ANKRD13C: variants seen among roughly 807,000 people sequenced by gnomAD.
The protein encoded by ANKRD13C is ankyrin repeat domain 13C.
In ANKRD13C, 16 loss-of-function variants were observed where a neutral mutation model predicts 65.5. The ratio of observed to expected loss-of-function variants is 0.24; its 90% CI spans 0.17 to 0.37. The LOEUF (loss-of-function observed/expected upper bound fraction) is 0.37. Ranked by LOEUF, ANKRD13C falls within the 10% of genes least tolerant of loss-of-function variation. The pLI is 1.00. For missense variants in ANKRD13C, 503 were observed against 655.9 expected, an observed-to-expected ratio of 0.77 and a Z score of 2.55; for synonymous variants, 235 against 238.7, an observed-to-expected ratio of 0.98 and a Z score of 0.14.
At chr1:70,276,387 C>T (rs1679135438) in intron 10 of ANKRD13C, among the ~76,000 whole-genome samples, 2 of 152,124 alleles carry the variant, frequency 1.3e-5, no homozygotes, top group Non-Finnish European at 2.9e-5. Context: ...TGGGCTTGCA[C>T]ACTATGCTAA....
chr1:70,351,455 A>G (rs141820970), intron 1 of ANKRD13C, among the ~76,000 whole-genome samples: 2,152 of 152,260 alleles, frequency 0.014, 24 homozygotes, highest in Non-Finnish European at 0.021. Flanking sequence ...GCTGGAGTGC[A>G]ACGGTGCGAT....
intron 1 of ANKRD13C, among the ~76,000 whole-genome samples, chr1:70,339,792 T>C (rs961981509): frequency 8.7e-5 from 13 of 149,214 alleles, no homozygotes; most frequent in Non-Finnish European, 1.2e-4. Flanking sequence ...TTGTGCCTTC[T>C]TTTTCTCTTG....
chr1:70,347,076 A>C (rs547172278), intron 1 of ANKRD13C, among the ~76,000 whole-genome samples: 16 of 124,570 alleles, frequency 1.3e-4, no homozygotes, highest in Non-Finnish European at 1.7e-4. Context: ...TTGGTGACAG[A>C]GCGAGGCTCC....
In ANKRD13C at chr1:70,296,279, G is replaced by C; in HGVS notation, c.922-18C>G. The stretch of plus-strand genomic sequence containing the variant: ...TCTGATTCCTGGGATGTGAGCAAAA[G>C]TTAAATATAAAAATCTAGGTTTTTC... On this transcript the variant is annotated intron_variant, in intron 7 of 12. Coordinates refer to ENST00000370944, the MANE Select transcript of ANKRD13C (RefSeq NM_030816.5). 1 of 1,599,886 alleles carries C rather than the reference G, an allele frequency of 6.3e-7. No individual in the cohort carries two copies. The highest frequency in any genetic ancestry group is 8.5e-7 in the Non-Finnish European group (1 of 1,175,356).
rs377639211 is a variant in ANKRD13C, at chr1:70,262,861, A to G, written c.1496-14T>C. ...ACACAGGTATATCTACAGAGAGAAC[A>G]TCAATGATAGCATTGTAAAATCAAA... is the stretch of plus-strand genomic sequence containing the variant. On this transcript the variant is annotated splice_polypyrimidine_tract_variant and intron_variant, in intron 12 of 12. Transcript: ENST00000370944. 7.6e-5 allele frequency: 122 copies of G among 1,601,032 alleles called. No individual in the cohort carries two copies. Among genetic ancestry groups the G allele is most frequent in the Non-Finnish European group, 9.9e-5 (116 of 1,172,562 alleles).
chr1:70,330,092 A>G (rs1681719093), intron 2 of ANKRD13C, among the ~76,000 whole-genome samples: 1 of 152,000 alleles, frequency 6.6e-6, no homozygotes, highest in Non-Finnish European at 1.5e-5. Flanking sequence ...CCGTCTCAAA[A>G]AAAAAAAAAA....
intron 5 of ANKRD13C, among the ~76,000 whole-genome samples, chr1:70,312,667 CAAAAAAA>C (rs55916932): frequency 2.6e-5 from 3 of 115,108 alleles, no homozygotes; most frequent in African/African-American, 9.4e-5. Flanking sequence ...ACTCTGTCTC[CAAAAAAA>C]AAAAAAAATT....
chr1:70,284,301 C>T (rs1471577576), intron 9 of ANKRD13C, among the ~76,000 whole-genome samples: 1 of 151,818 alleles, frequency 6.6e-6, no homozygotes, highest in African/African-American at 2.4e-5. Flanking sequence ...TCTATTAAAA[C>T]ATGGCTTTAA....
intron 12 of ANKRD13C, among the ~76,000 whole-genome samples, chr1:70,269,026 C>T (rs1422121009): frequency 6.7e-6 from 1 of 149,642 alleles, no homozygotes; most frequent in African/African-American, 2.5e-5. Context: ...TCTCCCAATG[C>T]TATCCCTCCC....
chr1:70,297,286 G>GGTT lies in ANKRD13C; in HGVS notation c.922-1026_922-1025insAAC, dbSNP rs1558281019. Among the ~76,000 whole-genome samples, 107 of 125,102 alleles carry GGTT rather than the reference G, an allele frequency of 8.6e-4. 5 individuals are homozygous for GGTT. Among genetic ancestry groups the GGTT allele is most frequent in the African/African-American group, 3.1e-3 (104 of 33,424 alleles). 82.1% of individuals were successfully genotyped at this position (125,102 alleles called of 152,430 possible). ...TTTAACCTACATAGAGTCCCTTTCT[G>GGTT]ATTTTTTTTTTTTTTTTTTTTTTTT... On this transcript the variant is annotated intron_variant, in intron 7 of 12. Transcript: ENST00000370944.
At chr1:70,304,963 T>C (rs990917549) in intron 6 of ANKRD13C, among the ~76,000 whole-genome samples, 2 of 152,180 alleles carry the variant, frequency 1.3e-5, no homozygotes, top group Non-Finnish European at 2.9e-5. Flanking sequence ...CTGAAGAGGT[T>C]TTTTTAAAAA....
intron 2 of ANKRD13C, among the ~76,000 whole-genome samples, chr1:70,330,610 ATAAG>A (rs957454172): frequency 5.3e-5 from 8 of 151,172 alleles, no homozygotes; most frequent in Non-Finnish European, 8.9e-5. Context: ...TCACACATTA[ATAAG>A]TAAGAACTAT....
At chr1:70,326,231 C>CAAAAAAA (rs59618915) in intron 2 of ANKRD13C, among the ~76,000 whole-genome samples, 20 of 31,092 alleles carry the variant, frequency 6.4e-4, no homozygotes, top group East Asian at 1.1e-3. Context: ...AACTCTGTCT[C>CAAAAAAA]AAAAAAAAAA....
At position 70,319,890 on chromosome 1, in the gene ANKRD13C, A is replaced by AGGATGACTTCC. The variant is rs1681233773; in HGVS notation, c.578-4325_578-4324insGGAAGTCATCC. On this transcript the variant is annotated intron_variant, in intron 3 of 12. Coordinates refer to ENST00000370944, the MANE Select transcript of ANKRD13C (RefSeq NM_030816.5). The stretch of plus-strand genomic sequence containing the variant: ...CCTTAAGTAGGATGACTTCCTCAAT[A>AGGATGACTTCC]TCAAAGTTAATGGCACATCCTGACT... 3.9e-5 allele frequency among the ~76,000 whole-genome samples: 6 copies of AGGATGACTTCC among 152,148 alleles called. No individual in the cohort carries two copies. In the South Asian group the frequency reaches 1.2e-3, roughly 32 times the overall value.
chr1:70,349,482 A>C (rs1682657691), intron 1 of ANKRD13C, among the ~76,000 whole-genome samples: 1 of 151,214 alleles, frequency 6.6e-6, no homozygotes, highest in Non-Finnish European at 1.5e-5. Context: ...ACAATACTTC[A>C]CAAAATAATT....
chr1:70,347,822 C>T (rs1176446547), intron 1 of ANKRD13C, among the ~76,000 whole-genome samples: 2 of 152,180 alleles, frequency 1.3e-5, no homozygotes, highest in African/African-American at 2.4e-5. Context: ...TAACATTTCA[C>T]CACCAAATCA....
intron 8 of ANKRD13C, among the ~76,000 whole-genome samples, chr1:70,292,872 C>A (rs929192874): frequency 1.3e-5 from 2 of 152,148 alleles, no homozygotes; most frequent in African/African-American, 4.8e-5. Context: ...CCAAGTAGCA[C>A]AAAGCTATCT....
rs1248662974 is a variant in ANKRD13C, at chr1:70,300,754, A to T, written c.921+10T>A. 1.3e-6 allele frequency: 2 copies of T among 1,584,068 alleles called. No individual in the cohort carries two copies. The highest frequency in any genetic ancestry group is 2.3e-5 in the South Asian group (2 of 85,632). The stretch of plus-strand genomic sequence containing the variant: ...GATTTAAAGGAATATTGATAAGACA[A>T]CATGCTCACCTCATGATGTATTCGC... On this transcript the variant is annotated intron_variant, in intron 7 of 12. Coordinates refer to ENST00000370944, the MANE Select transcript of ANKRD13C (RefSeq NM_030816.5).
At chr1:70,291,005 C>A (rs1478240788) in intron 9 of ANKRD13C, among the ~76,000 whole-genome samples, 1 of 151,906 alleles carries the variant, frequency 6.6e-6, no homozygotes, top group Non-Finnish European at 1.5e-5. Flanking sequence ...CAGTGCTATA[C>A]AAATGGCAGT....
Sources: gnomAD v4.1 joint callset for allele counts (sites outside exome capture counted in the v4.1 genomes callset) on GRCh38, gnomAD v4.1.1 for gene constraint, MANE v1.5 for transcripts, NCBI Gene and HGNC (gene_info 2026-07-23, HGNC 2026-07-21) for gene names.